Variants in TMPRSS4 observed in about 807,000 individuals in gnomAD.
TMPRSS4 encodes the protein transmembrane serine protease 4.
TMPRSS4 carries 45 observed loss-of-function variants against 56.4 expected under a neutral mutation model. The observed-to-expected ratio is 0.80, with a 90% CI of 0.63 to 1.02. The LOEUF is 1.02. TMPRSS4 is among the 50% of genes least tolerant of loss of function. The pLI, the probability that TMPRSS4 is intolerant of heterozygous loss-of-function variation, is 0.00. For missense variants in TMPRSS4, 546 were observed against 556.7 expected (o/e 0.98, Z 0.19); for synonymous variants, 205 against 211.0 (o/e 0.97, Z 0.25).
intron 1 of TMPRSS4, among the ~76,000 whole-genome samples, chr11:118,086,450 A>G (rs1945562558): frequency 6.6e-6 from 1 of 152,388 alleles, no homozygotes; most frequent in South Asian, 2.1e-4. Context: ...GGTTAGACCC[A>G]AAGGAAAAAG....
At chr11:118,100,786 A>G (rs1946691944) in intron 3 of TMPRSS4, among the ~76,000 whole-genome samples, 1 of 152,210 alleles carries the variant, frequency 6.6e-6, no homozygotes, top group South Asian at 2.1e-4. Context: ...ATCCAGCGAA[A>G]GCCAAGCAGG....
intron 10 of TMPRSS4, 34 bp downstream of exon 10, chr11:118,114,961 A>T: frequency 6.4e-7 from 1 of 1,564,560 alleles, no homozygotes; most frequent in Non-Finnish European, 8.7e-7. Context: ...AGGGCAGGAG[A>T]TGCCCTTGTA....
chr11:118,098,643 C>T (rs1228384245), intron 2 of TMPRSS4, among the ~76,000 whole-genome samples: 1 of 152,170 alleles, frequency 6.6e-6, no homozygotes, highest in Non-Finnish European at 1.5e-5. Flanking sequence ...TGGGTACGTG[C>T]CCCAGGGGCT....
At chr11:118,123,664 A>G (rs1358531138), downstream of TMPRSS4, among the ~76,000 whole-genome samples, 2 of 152,004 alleles carry the variant, frequency 1.3e-5, no homozygotes, top group Non-Finnish European at 2.9e-5. Flanking sequence ...CTGGGACTAC[A>G]GGCGCCCGCC....
At chr11:118,085,245 A>G (rs1945458480) in intron 1 of TMPRSS4, among the ~76,000 whole-genome samples, 1 of 122,152 alleles carries the variant, frequency 8.2e-6, no homozygotes, top group Non-Finnish European at 1.7e-5. Context: ...TTTTTTTGAG[A>G]CAGAGTCTAA....
chr11:118,092,952 T>C (rs748130464), intron 1 of TMPRSS4, among the ~76,000 whole-genome samples: 3 of 152,210 alleles, frequency 2.0e-5, no homozygotes, highest in Non-Finnish European at 4.4e-5. Context: ...CAGGTTTTAT[T>C]GTCCCCACTC....
At chr11:118,115,595 A>C (rs1947507679) in intron 11 of TMPRSS4, 1 of 247,770 alleles carries the variant, frequency 4.0e-6, no homozygotes, top group South Asian at 7.0e-5. Context: ...TGAGGCGGGC[A>C]GGTGATTTGA....
intron 4 of TMPRSS4, 86 bp downstream of exon 4, chr11:118,103,339 C>T: frequency 1.4e-6 from 2 of 1,474,952 alleles, no homozygotes; most frequent in Non-Finnish European, 1.8e-6. Context: ...AGTATCTGCC[C>T]CCTACTTGTC....
intron 3 of TMPRSS4, chr11:118,102,867 T>C: frequency 1.9e-6 from 1 of 534,868 alleles, no homozygotes. Flanking sequence ...ACACGTGACC[T>C]CTCTTGACTC....
At chr11:118,109,934 A>G (rs2135435231) in intron 7 of TMPRSS4, among the ~76,000 whole-genome samples, 1 of 152,344 alleles carries the variant, frequency 6.6e-6, no homozygotes, top group East Asian at 1.9e-4. Context: ...TGCACTGAGT[A>G]GCCCTGAAGG....
intron 1 of TMPRSS4, among the ~76,000 whole-genome samples, chr11:118,089,753 T>C (rs532985522): frequency 6.6e-6 from 1 of 152,326 alleles, no homozygotes; most frequent in East Asian, 1.9e-4. Context: ...CCAAACCCCA[T>C]ATTCATCATT....
chr11:118,086,235 G>A (rs542622240), intron 1 of TMPRSS4, among the ~76,000 whole-genome samples: 1 of 152,344 alleles, frequency 6.6e-6, no homozygotes, highest in South Asian at 2.1e-4. Context: ...CACAAAAGCT[G>A]ATTCTTAAAT....
intron 1 of TMPRSS4, among the ~76,000 whole-genome samples, chr11:118,091,143 C>T (rs1945920983): frequency 6.6e-6 from 1 of 152,170 alleles, no homozygotes; most frequent in Non-Finnish European, 1.5e-5. Context: ...CACCCTCTCA[C>T]CCACGTAACT....
At chr11:118,100,538 G>C (rs961338989) in intron 3 of TMPRSS4, among the ~76,000 whole-genome samples, 2 of 152,102 alleles carry the variant, frequency 1.3e-5, no homozygotes, top group African/African-American at 4.8e-5. Context: ...TTTCCATCTC[G>C]TGGCGGTGGA....
At chr11:118,110,445 G>A (rs932020782) in intron 7 of TMPRSS4, among the ~76,000 whole-genome samples, 2 of 151,792 alleles carry the variant, frequency 1.3e-5, no homozygotes, top group Admixed American at 6.6e-5. Flanking sequence ...GGATTCAAGC[G>A]ATTCTCCTGC....
Position 118,107,895 on chromosome 11 carries a change from C to T in TMPRSS4, c.542+20C>T. Reference sequence around the variant, plus strand: ...AAGTGGGTAAGTGAGGGGACACCTTCTGGCCTACAGAAGGCCCCCACATGG... The same window carrying T: ...AAGTGGGTAAGTGAGGGGACACCTTTTGGCCTACAGAAGGCCCCCACATGG... On this transcript the variant is annotated intron_variant, in intron 6 of 12. Coordinates refer to ENST00000437212, the MANE Select transcript of TMPRSS4 (RefSeq NM_019894.4). 1.2e-6 allele frequency: 2 copies of T among 1,609,436 alleles called. No homozygotes were observed. The highest frequency in any genetic ancestry group is 1.7e-6 in the Non-Finnish European group (2 of 1,176,848).
intron 2 of TMPRSS4, among the ~76,000 whole-genome samples, chr11:118,097,502 A>G (rs1946471791): frequency 6.6e-6 from 1 of 152,060 alleles, no homozygotes. Flanking sequence ...TTCTTGCCCC[A>G]TCTCCCCCAG....
chr11:118,105,353 A>G (rs11216760), intron 5 of TMPRSS4, among the ~76,000 whole-genome samples: 8,349 of 152,234 alleles, frequency 0.055, 570 homozygotes, highest in African/African-American at 0.15. Flanking sequence ...GATGATAGTA[A>G]GAGTAATTTG....
chr11:118,084,635 T>C (rs916967538), intron 1 of TMPRSS4, among the ~76,000 whole-genome samples: 3 of 152,196 alleles, frequency 2.0e-5, no homozygotes, highest in African/African-American at 7.2e-5. Flanking sequence ...TCCTTGAACA[T>C]GTGTGGAGTT....
Sources: allele counts gnomAD v4.1 joint callset (sites outside exome capture counted in the v4.1 genomes callset), GRCh38; gene constraint gnomAD v4.1.1; transcripts MANE v1.5; gene names NCBI Gene and HGNC (gene_info 2026-07-23, HGNC 2026-07-21).